Variants in LRP1B observed in about 807,000 individuals in gnomAD.
LRP1B encodes the protein LDL receptor related protein 1B.
A neutral mutation model predicts 556.6 loss-of-function variants in LRP1B; 217 were observed. That is an observed-to-expected ratio of 0.39 (90% CI 0.35 to 0.44). The LOEUF (loss-of-function observed/expected upper bound fraction) is 0.44, where lower values mean the gene tolerates loss of function less well. Ranked by LOEUF, LRP1B falls within the 20% of genes least tolerant of loss-of-function variation. The probability of loss-of-function intolerance (pLI) is 1.00; values close to 1 mark genes in which losing one functional copy is unlikely to be tolerated. For missense variants in LRP1B, 5,053 were observed against 5,620.8 expected, an observed-to-expected ratio of 0.90 and a Z score of 3.23; for synonymous variants, 2,047 against 1,865.8, an observed-to-expected ratio of 1.10 and a Z score of -2.50.
intron 3 of LRP1B, among the ~76,000 whole-genome samples, chr2:141,404,054 G>A (rs1690541193): frequency 6.6e-6 from 1 of 152,110 alleles, no homozygotes; most frequent in African/African-American, 2.4e-5. Context: ...TTGGATACAA[G>A]AAACTCAAAA....
At chr2:141,934,415 G>A (rs1700581106) in intron 1 of LRP1B, among the ~76,000 whole-genome samples, 2 of 152,062 alleles carry the variant, frequency 1.3e-5, no homozygotes, top group African/African-American at 2.4e-5. Context: ...GGAATCCCAA[G>A]CAAATCTGAG....
At chr2:141,878,229 A>G (rs1413162158) in intron 1 of LRP1B, among the ~76,000 whole-genome samples, 1 of 151,944 alleles carries the variant, frequency 6.6e-6, no homozygotes, top group Admixed American at 6.6e-5. Flanking sequence ...CAGAATCCTC[A>G]CCACAGCTGG....
chr2:140,664,312 C>T (rs1299372893), intron 41 of LRP1B, among the ~76,000 whole-genome samples: 1 of 152,130 alleles, frequency 6.6e-6, no homozygotes, highest in East Asian at 1.9e-4. Flanking sequence ...GCAAAAAGCA[C>T]AACATCTGCA....
Position 140,742,854 on chromosome 2 carries a change from C to T in LRP1B, c.5759-26038G>A, listed in dbSNP as rs562253560. ...ATAATTTCAAAATTATATAAGATAGCTACCCACTAATAATATGACATAATA... is the reference window on the plus strand; with the variant it reads ...ATAATTTCAAAATTATATAAGATAGTTACCCACTAATAATATGACATAATA... On this transcript the variant is annotated intron_variant, in intron 35 of 90. Transcript: ENST00000389484. 6.5e-4 allele frequency among the ~76,000 whole-genome samples: 99 copies of T among 152,010 alleles called. 1 individual carries two copies. Among genetic ancestry groups the T allele is most frequent in the Non-Finnish European group, 1.3e-3 (88 of 68,014 alleles).
intron 7 of LRP1B, among the ~76,000 whole-genome samples, chr2:141,112,175 G>A (rs1700773697): frequency 6.6e-6 from 1 of 152,068 alleles, no homozygotes; most frequent in South Asian, 2.1e-4. Flanking sequence ...ACCTAGCTGA[G>A]CTAAGAAGAA....
chr2:141,689,292 A>T (rs971118316), intron 2 of LRP1B, among the ~76,000 whole-genome samples: 2 of 151,836 alleles, frequency 1.3e-5, no homozygotes, highest in East Asian at 3.9e-4. Flanking sequence ...TATCCAAGGT[A>T]GACTAGCTAA....
chr2:141,002,477 T>C lies in LRP1B; in HGVS notation c.2503+2858A>G, dbSNP rs1340513486. On this transcript the variant is annotated intron_variant, in intron 15 of 90. Coordinates refer to ENST00000389484, the MANE Select transcript of LRP1B (RefSeq NM_018557.3). ...GATCCCTTATAAATGCCAAAATCCATGGATACTCACATCCTTTATATAAAA... is the reference window on the plus strand; with the variant it reads ...GATCCCTTATAAATGCCAAAATCCACGGATACTCACATCCTTTATATAAAA... Among the ~76,000 whole-genome samples the C allele has an allele frequency of 2.0e-5, 3 of 152,198 alleles. No individual in the cohort carries two copies. In the South Asian group the frequency reaches 6.2e-4, roughly 32 times the overall value.
At chr2:141,177,368 C>T (rs779909354) in intron 7 of LRP1B, among the ~76,000 whole-genome samples, 30 of 151,962 alleles carry the variant, frequency 2.0e-4, no homozygotes, top group Non-Finnish European at 4.3e-4. Flanking sequence ...AGTACAATAC[C>T]GCTTTAATAA....
chr2:141,910,835 A>T (rs1181373663), intron 1 of LRP1B, among the ~76,000 whole-genome samples: 2 of 152,128 alleles, frequency 1.3e-5, no homozygotes, highest in African/African-American at 2.4e-5. Context: ...TTTCAGTGCT[A>T]CTTTGTATCA....
chr2:141,247,276 A>T lies in LRP1B; in HGVS notation c.542T>A (p.Val181Glu), dbSNP rs1269215266. ...GTCTGGCTGCATTAGGTAGCCTTCC[A>T]CACAACTGCAAGTGTAGGATCCATG... ...NTHGSYTCSC[V>E]EGYLMQPDNR... The change falls in exon 5 of 91, where the codon GTG becomes GAG. Residue 181 changes from valine to glutamate, a missense_variant. Val to Glu is a moderately radical substitution (Grantham distance 121, BLOSUM62 -2). Transcript: ENST00000389484. The T allele has an allele frequency of 6.2e-7, 1 of 1,613,714 alleles. No individual in the cohort carries two copies. The highest frequency in any genetic ancestry group is 2.2e-5 in the East Asian group (1 of 44,864).
At chr2:140,422,987 T>C (rs1685510138) in intron 66 of LRP1B, among the ~76,000 whole-genome samples, 1 of 152,168 alleles carries the variant, frequency 6.6e-6, no homozygotes, top group African/African-American at 2.4e-5. Flanking sequence ...TGCTGAAAAT[T>C]ACCGAGTCAC....
At chr2:141,187,670 A>G (rs1681317804) in intron 7 of LRP1B, among the ~76,000 whole-genome samples, 1 of 152,084 alleles carries the variant, frequency 6.6e-6, no homozygotes. Context: ...AAATAAAAGC[A>G]TAATTCCTGT....
chr2:140,438,246 C>A (rs1686273611), intron 66 of LRP1B, among the ~76,000 whole-genome samples: 1 of 152,198 alleles, frequency 6.6e-6, no homozygotes. Flanking sequence ...CTCAAGCAAT[C>A]TTCCTGCCTT....
chr2:142,129,687 T>TA (rs1358648208), intron 1 of LRP1B, among the ~76,000 whole-genome samples: 5 of 151,752 alleles, frequency 3.3e-5, no homozygotes, highest in African/African-American at 7.2e-5. Context: ...TTTCTGATTT[T>TA]AAAAAAATCT....
intron 1 of LRP1B, among the ~76,000 whole-genome samples, chr2:141,906,357 GC>G (rs1699761012): frequency 6.6e-6 from 1 of 151,598 alleles, no homozygotes; most frequent in African/African-American, 2.4e-5. Context: ...TTTCGTATAT[GC>G]AATTCACCAT....
At chr2:142,066,987 T>C (rs1256125564) in intron 1 of LRP1B, among the ~76,000 whole-genome samples, 1 of 151,424 alleles carries the variant, frequency 6.6e-6, no homozygotes, top group Non-Finnish European at 1.5e-5. Flanking sequence ...ATGCATTTTC[T>C]TGTCTTTCCT....
rs767115373 is a variant in LRP1B, at chr2:141,424,222, T to G, written c.343+56174A>C. 2.0e-4 allele frequency among the ~76,000 whole-genome samples: 31 copies of G among 151,810 alleles called. 1 individual carries two copies. The Middle Eastern group carries it at 0.017, about 84-fold the overall frequency. On this transcript the variant is annotated intron_variant, in intron 3 of 90. Transcript: ENST00000389484. ...TCTGCCTCTTGGGTTCAAGCAATTC[T>G]CCTGCCGCAGCCTCCAGAGTAGCTG...
At chr2:141,045,163 C>A (rs1177416980) in intron 11 of LRP1B, among the ~76,000 whole-genome samples, 12 of 125,404 alleles carry the variant, frequency 9.6e-5, no homozygotes, top group African/African-American at 2.8e-4. Context: ...AGTAAACTAT[C>A]GCAAGAACAA....
At chr2:141,559,483 C>G (rs1360411936) in intron 2 of LRP1B, among the ~76,000 whole-genome samples, 1 of 151,496 alleles carries the variant, frequency 6.6e-6, no homozygotes, top group South Asian at 2.1e-4. Context: ...TTATCACATC[C>G]CATTAAAAAT....
Sources: allele counts gnomAD v4.1 joint callset (sites outside exome capture counted in the v4.1 genomes callset), GRCh38; gene constraint gnomAD v4.1.1; transcripts MANE v1.5; gene names NCBI Gene and HGNC (gene_info 2026-07-23, HGNC 2026-07-21).